Variants in KDM4C observed in about 807,000 individuals in gnomAD.
KDM4C encodes lysine demethylase 4C, also known as lysine-specific demethylase 4C.
In KDM4C, 81 loss-of-function variants were observed where a neutral mutation model predicts 129.3. The ratio of observed to expected loss-of-function variants is 0.63; its 90% CI spans 0.52 to 0.75. KDM4C has a LOEUF of 0.75. KDM4C is among the 30% of genes least tolerant of loss of function. The probability of loss-of-function intolerance (pLI) is 0.00; values close to 1 mark genes in which losing one functional copy is unlikely to be tolerated. For synonymous variants in KDM4C, 573 were observed against 456.1 expected, an observed-to-expected ratio of 1.26 and a Z score of -3.26; for missense variants, 1,457 against 1,304.0, an observed-to-expected ratio of 1.12 and a Z score of -1.81.
intron 1 of KDM4C, among the ~76,000 whole-genome samples, chr9:6,730,827 G>C (rs1320446130): frequency 2.0e-5 from 3 of 152,108 alleles, no homozygotes; most frequent in South Asian, 4.1e-4. Context: ...TGCCTTATTT[G>C]AACAGTTTGA....
intron 6 of KDM4C, among the ~76,000 whole-genome samples, chr9:6,887,059 T>C (rs1370778314): frequency 6.6e-6 from 1 of 152,240 alleles, no homozygotes; most frequent in African/African-American, 2.4e-5. Context: ...ATGCATTGCA[T>C]GTGCCTTCCT....
In KDM4C at chr9:7,049,099, C is replaced by T; in HGVS notation, c.2323C>T (p.His775Tyr). Residue 775 changes from histidine (H) to tyrosine (Y), a missense_variant, in exon 17 of 22, where the codon CAT becomes TAT. By Grantham distance (83) the His-to-Tyr change is moderately conservative. Coordinates refer to ENST00000381309, the MANE Select transcript of KDM4C (RefSeq NM_015061.6). ...LKQTKNNKWAHVMCAVAVPEV... is the reference protein window; with the variant it reads ...LKQTKNNKWAYVMCAVAVPEV... ...ATGTCTCCTTTCCTGTAGGTGGGCC[C>T]ATGTCATGTGCGCCGTTGCGGTCCC... The T allele has an allele frequency of 6.2e-7, 1 of 1,610,668 alleles. No individual in the cohort carries two copies. Among genetic ancestry groups the T allele is most frequent in the Non-Finnish European group, 8.5e-7 (1 of 1,177,384 alleles).
chr9:7,095,951 A>G (rs573315092), intron 17 of KDM4C, among the ~76,000 whole-genome samples: 2 of 152,380 alleles, frequency 1.3e-5, no homozygotes, highest in Non-Finnish European at 2.9e-5. Flanking sequence ...ATACGAACAT[A>G]AAAAGAAATA....
chr9:6,964,137 C>T lies in KDM4C; in HGVS notation c.922-16788C>T, dbSNP rs143106465. On this transcript the variant is annotated intron_variant, in intron 8 of 21. Transcript: ENST00000381309. ...TAAGTTCTAGGCTACATGTGCACAA[C>T]GTGCAGGTTTGTTACACATGTATAC... 9.2e-3 allele frequency among the ~76,000 whole-genome samples: 1,400 copies of T among 152,198 alleles called. 26 individuals are homozygous for T. The highest frequency in any genetic ancestry group is 0.031 in the African/African-American group (1,301 of 41,526).
chr9:6,790,684 A>AAG (rs1826407871), intron 1 of KDM4C, among the ~76,000 whole-genome samples: 1 of 103,648 alleles, frequency 9.6e-6, no homozygotes, highest in Non-Finnish European at 2.0e-5. Flanking sequence ...AAAAAAAAAG[A>AAG]GGAAAACTTT....
intron 4 of KDM4C, among the ~76,000 whole-genome samples, chr9:6,823,886 C>T (rs773480732): frequency 3.9e-5 from 6 of 152,354 alleles, no homozygotes; most frequent in Non-Finnish European, 7.3e-5. Flanking sequence ...GTCTCATATG[C>T]TCACTTACTT....
At chr9:7,006,635 A>C (rs1410942635) in intron 12 of KDM4C, among the ~76,000 whole-genome samples, 1 of 152,104 alleles carries the variant, frequency 6.6e-6, no homozygotes, top group Non-Finnish European at 1.5e-5. Flanking sequence ...TACAAGCAGA[A>C]GTTGTGGTCA....
At chr9:7,115,615 A>C (rs1281650878) in intron 18 of KDM4C, among the ~76,000 whole-genome samples, 1 of 152,242 alleles carries the variant, frequency 6.6e-6, no homozygotes, top group African/African-American at 2.4e-5. Flanking sequence ...ATGTAATGAA[A>C]GTATATTTTT....
intron 8 of KDM4C, among the ~76,000 whole-genome samples, chr9:6,945,891 A>C (rs1356610425): frequency 6.6e-6 from 1 of 152,198 alleles, no homozygotes; most frequent in Non-Finnish European, 1.5e-5. Context: ...TAGAAATCAG[A>C]AGCAGCACAG....
At chr9:7,024,396 A>ATATG (rs917456577) in intron 15 of KDM4C, among the ~76,000 whole-genome samples, 80 of 150,392 alleles carry the variant, frequency 5.3e-4, no homozygotes, top group African/African-American at 1.9e-3. Flanking sequence ...GGTTTGTTAC[A>ATATG]TATGTATACA....
rs184530528 is a variant in KDM4C at position 6,784,473 on chromosome 9, C to T, written c.-17-8499C>T. Among the ~76,000 whole-genome samples, 3 of 152,258 alleles carry T rather than the reference C, an allele frequency of 2.0e-5. 1 individual carries two copies. The highest frequency in any genetic ancestry group is 4.4e-5 in the Non-Finnish European group (3 of 68,002). ...TTGTGAACTCCTGACCTCCAGTGGT[C>T]CACCCACCTTGGCCTCCCAAAGTGG... On this transcript the variant is annotated intron_variant, in intron 1 of 21. Coordinates refer to ENST00000381309, the MANE Select transcript of KDM4C (RefSeq NM_015061.6).
chr9:7,078,026 T>G (rs1834117017), intron 17 of KDM4C, among the ~76,000 whole-genome samples: 1 of 152,224 alleles, frequency 6.6e-6, no homozygotes, highest in South Asian at 2.1e-4. Flanking sequence ...TTTCTAATAT[T>G]TCTTTAAAAA....
chr9:6,873,513 C>G (rs947615701), intron 5 of KDM4C, among the ~76,000 whole-genome samples: 2 of 152,216 alleles, frequency 1.3e-5, no homozygotes, highest in Non-Finnish European at 2.9e-5. Flanking sequence ...TTGTACTTCT[C>G]TCTTATGGAT....
At chr9:6,963,277 T>G (rs546980459) in intron 8 of KDM4C, among the ~76,000 whole-genome samples, 1 of 152,368 alleles carries the variant, frequency 6.6e-6, no homozygotes, top group South Asian at 2.1e-4. Flanking sequence ...GTAGTATTAA[T>G]AATTGTTGGA....
In KDM4C at chr9:6,893,077, A is replaced by G. The variant is rs775159532; in HGVS notation, c.784-18A>G. ...AAGTCTTATTTTTACAAAATATTATATGTTTCCTACCTTGCAGATAACCCA... is the reference window on the plus strand; with the variant it reads ...AAGTCTTATTTTTACAAAATATTATGTGTTTCCTACCTTGCAGATAACCCA... On this transcript the variant is annotated intron_variant, in intron 7 of 21. Transcript: ENST00000381309. The G allele has an allele frequency of 2.7e-6, 4 of 1,472,436 alleles. No homozygotes were observed. The highest frequency in any genetic ancestry group is 2.7e-6 in the Non-Finnish European group (3 of 1,106,276). The allele number at this position is 1,472,436 out of a possible 1,614,324, so 91.2% of individuals were successfully genotyped here.
intron 8 of KDM4C, among the ~76,000 whole-genome samples, chr9:6,896,990 G>C (rs1231317120): frequency 6.6e-6 from 1 of 152,122 alleles, no homozygotes; most frequent in Non-Finnish European, 1.5e-5. Flanking sequence ...CTTAAGATTT[G>C]GGTACATTTG....
intron 9 of KDM4C, among the ~76,000 whole-genome samples, chr9:6,983,613 C>CACACA (rs1554679077): frequency 8.2e-5 from 12 of 146,402 alleles, no homozygotes; most frequent in Non-Finnish European, 1.7e-4. Flanking sequence ...CACACACACA[C>CACACA]CAGTTAGCCT....
At chr9:7,131,356 A>G (rs1564157503) in intron 19 of KDM4C, among the ~76,000 whole-genome samples, 1 of 152,164 alleles carries the variant, frequency 6.6e-6, no homozygotes, top group African/African-American at 2.4e-5. Context: ...CTGACTCTAT[A>G]GGGGAAGTTT....
chr9:7,082,217 T>A (rs918790115), intron 17 of KDM4C, among the ~76,000 whole-genome samples: 1 of 152,172 alleles, frequency 6.6e-6, no homozygotes, highest in South Asian at 2.1e-4. Flanking sequence ...CCTCCTGGAA[T>A]GGGCATTAGA....
Sources: gnomAD v4.1 joint callset for allele counts (sites outside exome capture counted in the v4.1 genomes callset) on GRCh38, gnomAD v4.1.1 for gene constraint, MANE v1.5 for transcripts, NCBI Gene and HGNC (gene_info 2026-07-23, HGNC 2026-07-21) for gene names.